The following KIN variants were observed in gnomAD, a reference collection of about 807,000 sequenced individuals.
KIN encodes the protein Kin17 DNA and RNA binding protein, also known as DNA/RNA-binding protein KIN17.
KIN carries 47 observed loss-of-function variants against 63.0 expected under a neutral mutation model. The ratio of observed to expected loss-of-function variants is 0.75; its 90% CI spans 0.59 to 0.95. The LOEUF (loss-of-function observed/expected upper bound fraction) is 0.95. Ranked by LOEUF, KIN falls within the 40% of genes least tolerant of loss-of-function variation. KIN has a pLI of 0.00. For synonymous variants in KIN, 160 were observed against 157.7 expected (o/e 1.01, Z -0.11); for missense variants, 408 against 460.9 (o/e 0.89, Z 1.05).
intron 11 of KIN, among the ~76,000 whole-genome samples, chr10:7,762,219 G>GA (rs201671529): frequency 1.1e-3 from 149 of 135,236 alleles, no homozygotes; most frequent in East Asian, 1.7e-3. Context: ...TTTGCTTCAG[G>GA]AAAAAAAAAA....
At chr10:7,779,981 T>G in intron 4 of KIN, 75 bp downstream of exon 4, 1 of 1,517,092 alleles carries the variant, frequency 6.6e-7, no homozygotes. Flanking sequence ...TTTTTCTCTT[T>G]TCTTATCCCA....
Position 7,787,887 on chromosome 10 carries a change from A to C in KIN, c.47T>G (p.Ile16Ser). ...FLTPKAIANR[I>S]KSKGLQKLRW... ...TAGCTTCTGCAGCCCCTTGGACTTG[A>C]TCCTGTTGGCGATAGCCTTGGGAGT... Residue 16 changes from isoleucine to serine, a missense_variant, in exon 1 of 13, where the codon ATC becomes AGC. Around this residue, in one of 2 missense-constraint regions of KIN, gnomAD observed 110 missense variants for 164.9 expected, o/e 0.67. Transcript: ENST00000379562. 6.2e-7 allele frequency: 1 copy of C among 1,614,142 alleles called. No individual in the cohort carries two copies. Among genetic ancestry groups the C allele is most frequent in the Non-Finnish European group, 8.5e-7 (1 of 1,179,996 alleles).
Position 7,787,725 on chromosome 10 carries a change from GCCCCAGCCCCGCGC to G in KIN, c.114+81_114+94del, listed in dbSNP as rs374009374. ...AAGCCTCACGACCCGGACCCCGGGA[GCCCCAGCCCCGCGC>G]CCTCAGCCCCGCGTCCAGGACCTGA... On this transcript the variant is annotated intron_variant, in intron 1 of 12. Transcript: ENST00000379562. 150 of 927,116 alleles carry G rather than the reference GCCCCAGCCCCGCGC, an allele frequency of 1.6e-4. No homozygotes were observed. The East Asian group carries it at 2.8e-3, about 17-fold the overall frequency. The allele number at this position is 927,116 out of a possible 1,614,324, so 57.4% of individuals were successfully genotyped here. A position where few individuals can be genotyped will look rare whatever the true frequency, so the allele number is the denominator to read the frequency against.
At position 7,755,448 on chromosome 10, in the gene KIN, C is replaced by A. The variant is rs1161237190; in HGVS notation, c.*632G>T. Reference sequence around the variant, plus strand: ...TAAGAAATGTCCAGAAAGGGCAAATCCATAGAGACAGAAAGTACATTAGTG... The same window carrying A: ...TAAGAAATGTCCAGAAAGGGCAAATACATAGAGACAGAAAGTACATTAGTG... On this transcript the variant is annotated 3_prime_UTR_variant, in exon 13 of 13. Transcript: ENST00000379562. 6.6e-6 allele frequency: 1 copy of A among 152,106 alleles called. No homozygotes were observed. Among genetic ancestry groups the A allele is most frequent in the Non-Finnish European group, 1.5e-5 (1 of 68,026 alleles). The allele number at this position is 152,106 out of a possible 1,614,324, so 9.4% of individuals were successfully genotyped here. A position where few individuals can be genotyped will look rare whatever the true frequency, so the allele number is the denominator to read the frequency against.
Position 7,753,923 on chromosome 10 carries a change from G to T in KIN, c.*2157C>A. The T allele has an allele frequency of 5.1e-6, 2 of 389,142 alleles. No individual in the cohort carries two copies. Among genetic ancestry groups the T allele is most frequent in the South Asian group, 1.9e-5 (1 of 53,368 alleles). 24.1% of individuals were successfully genotyped at this position (389,142 alleles called of 1,614,324 possible). On this transcript the variant is annotated 3_prime_UTR_variant, in exon 13 of 13. Coordinates refer to ENST00000379562, the MANE Select transcript of KIN (RefSeq NM_012311.4). ...CAGCCCTCCCTGACTCTCAGTTAAA[G>T]AGAGAGATCCCAGGGTTTGGCACCA... is the stretch of plus-strand genomic sequence containing the variant.
At chr10:7,761,072 AT>A (rs912107697) in intron 11 of KIN, among the ~76,000 whole-genome samples, 1 of 152,222 alleles carries the variant, frequency 6.6e-6, no homozygotes, top group African/African-American at 2.4e-5. Flanking sequence ...AAGACAGAGG[AT>A]GCAGGAGCAG....
chr10:7,785,549 T>A (rs1345460482), intron 1 of KIN, among the ~76,000 whole-genome samples: 4 of 152,138 alleles, frequency 2.6e-5, no homozygotes, highest in Admixed American at 2.6e-4. Flanking sequence ...TCCCAGCACC[T>A]TGGGAGGCCG....
intron 5 of KIN, among the ~76,000 whole-genome samples, chr10:7,778,570 C>G (rs1294030136): frequency 6.6e-6 from 1 of 152,116 alleles, no homozygotes; most frequent in Non-Finnish European, 1.5e-5. Flanking sequence ...GAAACCCTGT[C>G]TCTACTAACA....
At chr10:7,764,888 G>A (rs1215653717) in intron 9 of KIN, among the ~76,000 whole-genome samples, 2 of 152,108 alleles carry the variant, frequency 1.3e-5, no homozygotes, top group Admixed American at 6.5e-5. Context: ...GGCCGGGCGC[G>A]GTGGCTCACG....
Position 7,783,080 on chromosome 10 carries a change from C to T in KIN, c.209+1G>A. ...GATAAAGAGTTCTTTGAGTTACTTA[C>T]TCTGAAAAATAATCCATAAACTGCT... is the stretch of plus-strand genomic sequence containing the variant. On this transcript the variant is annotated splice_donor_variant, in intron 2 of 12. Transcript: ENST00000379562. LOFTEE classifies it high-confidence loss of function. The T allele has an allele frequency of 6.5e-7, 1 of 1,546,852 alleles. No homozygotes were observed. Among genetic ancestry groups the T allele is most frequent in the Non-Finnish European group, 8.8e-7 (1 of 1,130,008 alleles).
intron 2 of KIN, among the ~76,000 whole-genome samples, chr10:7,781,574 G>A (rs1409353554): frequency 1.5e-5 from 2 of 129,240 alleles, no homozygotes; most frequent in Admixed American, 8.0e-5. Flanking sequence ...GCAACAAAGT[G>A]AGACCCTGTC....
rs1411933105 is a variant in KIN at position 7,751,602 on chromosome 10, A to C, written c.*4478T>G. ...ACTTAGTGCTGAAGAGGTAAATAGC[A>C]CTACCTCTTAGTTTTCTTCTTCTAT... On this transcript the variant is annotated 3_prime_UTR_variant, in exon 13 of 13. Coordinates refer to ENST00000379562, the MANE Select transcript of KIN (RefSeq NM_012311.4). The C allele has an allele frequency of 2.0e-5, 3 of 152,170 alleles. No homozygotes were observed. The highest frequency in any genetic ancestry group is 7.2e-5 in the African/African-American group (3 of 41,440). 9.4% of individuals were successfully genotyped at this position (152,170 alleles called of 1,614,324 possible).
intron 11 of KIN, chr10:7,761,336 A>T (rs1221066679): frequency 6.6e-6 from 1 of 152,238 alleles, no homozygotes; most frequent in Admixed American, 6.5e-5. Flanking sequence ...GACTGATGTT[A>T]TCACTACATT....
rs1835315390 is a variant in KIN, at chr10:7,755,457, C to T, written c.*623G>A. The T allele has an allele frequency of 6.6e-6, 1 of 152,152 alleles. No homozygotes were observed. Among genetic ancestry groups the T allele is most frequent in the Admixed American group, 6.5e-5 (1 of 15,282 alleles). 9.4% of individuals were successfully genotyped at this position (152,152 alleles called of 1,614,324 possible). The stretch of plus-strand genomic sequence containing the variant: ...TCCAGAAAGGGCAAATCCATAGAGA[C>T]AGAAAGTACATTAGTGGCTGTCTAG... On this transcript the variant is annotated 3_prime_UTR_variant, in exon 13 of 13. Coordinates refer to ENST00000379562, the MANE Select transcript of KIN (RefSeq NM_012311.4).
intron 12 of KIN, among the ~76,000 whole-genome samples, chr10:7,758,109 T>C (rs2130983311): frequency 6.8e-6 from 1 of 147,910 alleles, no homozygotes. Context: ...GGAGTCTCGC[T>C]GTCACCCAGG....
At chr10:7,758,616 A>C (rs555309907) in intron 12 of KIN, among the ~76,000 whole-genome samples, 1 of 152,070 alleles carries the variant, frequency 6.6e-6, no homozygotes, top group African/African-American at 2.4e-5. Flanking sequence ...AACATGAAAC[A>C]GGATCTGCAT....
chr10:7,759,072 C>A, intron 12 of KIN, among the ~76,000 whole-genome samples: 1 of 152,070 alleles, frequency 6.6e-6, no homozygotes, highest in East Asian at 1.9e-4. Flanking sequence ...ATAAACTCCC[C>A]AAGAGAACAA....
rs1241238421 is a variant in KIN, at chr10:7,753,386, T to A, written c.*2694A>T. On this transcript the variant is annotated 3_prime_UTR_variant, in exon 13 of 13. Transcript: ENST00000379562. The stretch of plus-strand genomic sequence containing the variant: ...AACGTACATACTTGGGGGAGGCATA[T>A]GTAATTTGTCTGGTTTTACTCATCA... The A allele has an allele frequency of 1.3e-5, 2 of 152,190 alleles. No individual in the cohort carries two copies. Among genetic ancestry groups the A allele is most frequent in the African/African-American group, 2.4e-5 (1 of 41,448 alleles). 9.4% of individuals were successfully genotyped at this position (152,190 alleles called of 1,614,324 possible).
chr10:7,775,135 C>G (rs934883295), intron 6 of KIN, among the ~76,000 whole-genome samples: 1 of 152,190 alleles, frequency 6.6e-6, no homozygotes, highest in African/African-American at 2.4e-5. Flanking sequence ...CCTGCTCTAT[C>G]CCCATTTCCC....
Sources: allele counts gnomAD v4.1 joint callset (sites outside exome capture counted in the v4.1 genomes callset), GRCh38; gene constraint gnomAD v4.1.1; regional missense constraint gnomAD v4.1.1; transcripts MANE v1.5; gene names NCBI Gene and HGNC (gene_info 2026-07-23, HGNC 2026-07-21).